NAPEPLD: variants seen among roughly 807,000 people sequenced by gnomAD.
NAPEPLD encodes the protein N-acyl phosphatidylethanolamine phospholipase D, also known as N-acyl-phosphatidylethanolamine-hydrolyzing phospholipase D.
In NAPEPLD, 23 loss-of-function variants were observed where a neutral mutation model predicts 38.1. The ratio of observed to expected loss-of-function variants is 0.60; its 90% CI spans 0.43 to 0.86. The LOEUF (loss-of-function observed/expected upper bound fraction) is 0.86, where lower values mean the gene tolerates loss of function less well. Ranked by LOEUF, NAPEPLD falls within the 40% of genes least tolerant of loss-of-function variation. The pLI is 0.00. For synonymous variants in NAPEPLD, 147 were observed against 162.0 expected (o/e 0.91, Z 0.71); for missense variants, 411 against 476.8 (o/e 0.86, Z 1.28).
At chr7:103,141,564 T>G in intron 1 of NAPEPLD, 1 of 1,166,922 alleles carries the variant, frequency 8.6e-7, no homozygotes, top group Admixed American at 1.7e-5. Context: ...CTCTTCACCT[T>G]CAGGTACAGG....
chr7:103,112,685 T>C (rs1804775407), intron 4 of NAPEPLD, among the ~76,000 whole-genome samples: 2 of 151,872 alleles, frequency 1.3e-5, no homozygotes, highest in Admixed American at 6.6e-5. Context: ...CAAACCACCA[T>C]GGCACGTGTA....
chr7:103,107,174 A>G (rs1314644542), intron 4 of NAPEPLD, among the ~76,000 whole-genome samples: 1 of 152,224 alleles, frequency 6.6e-6, no homozygotes, highest in Non-Finnish European at 1.5e-5. Context: ...GTAAGAAGGA[A>G]AACTAACTAA....
chr7:103,119,492 G>A, intron 3 of NAPEPLD, 85 bp downstream of exon 3: 2 of 1,440,154 alleles, frequency 1.4e-6, no homozygotes, highest in African/African-American at 2.9e-5. Flanking sequence ...ATAAATTACA[G>A]TGTCACAAAA....
Position 103,101,364 on chromosome 7 carries a change from T to A in NAPEPLD, c.*2065A>T, listed in dbSNP as rs543543462. Reference sequence around the variant, plus strand: ...GCATACACATTTCCCCTTGACTGATTCGCATCTTTGTAGATAAACACTAAA... The same window carrying A: ...GCATACACATTTCCCCTTGACTGATACGCATCTTTGTAGATAAACACTAAA... On this transcript the variant is annotated 3_prime_UTR_variant, in exon 5 of 5. Transcript: ENST00000465647. 48 of 152,302 alleles carry A rather than the reference T, an allele frequency of 3.2e-4. No homozygotes were observed. The highest frequency in any genetic ancestry group is 1.2e-3 in the African/African-American group (48 of 41,560). The allele number at this position is 152,302 out of a possible 1,614,324, so 9.4% of individuals were successfully genotyped here.
At chr7:103,149,370 AG>A, upstream of NAPEPLD, 2 of 1,167,220 alleles carry the variant, frequency 1.7e-6, no homozygotes, top group South Asian at 1.5e-5. Flanking sequence ...GCGTAGCGGG[AG>A]GGGCGACCGC....
intron 3 of NAPEPLD, among the ~76,000 whole-genome samples, chr7:103,118,433 C>G (rs1805980515): frequency 6.6e-6 from 1 of 150,794 alleles, no homozygotes; most frequent in Non-Finnish European, 1.5e-5. Context: ...AGGAAACTAG[C>G]AAAAAACAAA....
intron 3 of NAPEPLD, among the ~76,000 whole-genome samples, chr7:103,116,227 A>T (rs1265296711): frequency 6.6e-6 from 1 of 151,742 alleles, no homozygotes; most frequent in Non-Finnish European, 1.5e-5. Flanking sequence ...TCTCCCGGCT[A>T]ATTTTTTGTA....
chr7:103,105,648 T>C (rs996464238), intron 4 of NAPEPLD, among the ~76,000 whole-genome samples: 7 of 152,174 alleles, frequency 4.6e-5, no homozygotes, highest in African/African-American at 1.7e-4. Flanking sequence ...TTAAAGTGTT[T>C]AGAAGTCATG....
At chr7:103,126,955 T>A (rs180719309) in intron 2 of NAPEPLD, 2 of 152,002 alleles carry the variant, frequency 1.3e-5, no homozygotes, top group African/African-American at 4.8e-5. Flanking sequence ...AGATAAAACA[T>A]AGAAGAAATT....
chr7:103,135,999 T>C (rs2129533527), intron 1 of NAPEPLD, among the ~76,000 whole-genome samples: 1 of 152,152 alleles, frequency 6.6e-6, no homozygotes, highest in Admixed American at 6.6e-5. Context: ...CATATGGAAA[T>C]TGCTGGCTAG....
At chr7:103,113,240 C>T (rs917183237) in intron 4 of NAPEPLD, among the ~76,000 whole-genome samples, 3 of 152,178 alleles carry the variant, frequency 2.0e-5, no homozygotes, top group Non-Finnish European at 4.4e-5. Flanking sequence ...TCTCCAAATA[C>T]GCACCCACAC....
At position 103,149,027 on chromosome 7, in the gene NAPEPLD, G is replaced by C. The variant is rs553450969; in HGVS notation, c.-233C>G. 4 of 985,276 alleles carry C rather than the reference G, an allele frequency of 4.1e-6. No individual in the cohort carries two copies. The highest frequency in any genetic ancestry group is 4.8e-6 in the Non-Finnish European group (4 of 829,962). The allele number at this position is 985,276 out of a possible 1,614,324, so 61.0% of individuals were successfully genotyped here. On this transcript the variant is annotated 5_prime_UTR_variant, in exon 1 of 5. Transcript: ENST00000465647. ...GCATCTCCGAGATGAGGGAGGGCTC[G>C]GGGACGGGAAACCCACTCTCAGCCC...
At chr7:103,138,162 G>A (rs1810475892) in intron 1 of NAPEPLD, among the ~76,000 whole-genome samples, 1 of 151,802 alleles carries the variant, frequency 6.6e-6, no homozygotes, top group Non-Finnish European at 1.5e-5. Flanking sequence ...GTTTTTAGTA[G>A]AGATGGGGTT....
intron 1 of NAPEPLD, among the ~76,000 whole-genome samples, chr7:103,146,141 C>T (rs958045980): frequency 1.3e-5 from 2 of 152,072 alleles, no homozygotes; most frequent in African/African-American, 4.8e-5. Context: ...AAAATAATAA[C>T]TTTCAAAACT....
chr7:103,103,513 C>T lies in NAPEPLD; in HGVS notation c.1098G>A (p.Glu366=), dbSNP rs1037908190. Residue 366 remains glutamate, a synonymous_variant, in exon 5 of 5, where the codon GAG becomes GAA. Coordinates refer to ENST00000465647, the MANE Select transcript of NAPEPLD (RefSeq NM_001122838.3). The part of the protein sequence containing the change: ...EPPVKLNEAL[E]RYGLNAEDFF... Reference sequence around the variant, plus strand: ...AATCTTCAGCGTTAAGTCCGTATCTCTCTAGAGCTTCATTCAGCTTCACTG... The same window carrying T: ...AATCTTCAGCGTTAAGTCCGTATCTTTCTAGAGCTTCATTCAGCTTCACTG... The T allele has an allele frequency of 6.3e-7, 1 of 1,597,122 alleles. No homozygotes were observed.
chr7:103,147,595 A>T (rs552604225), intron 1 of NAPEPLD, among the ~76,000 whole-genome samples: 3 of 152,358 alleles, frequency 2.0e-5, no homozygotes, highest in African/African-American at 7.2e-5. Context: ...TCAAAGTAAC[A>T]TAATACCCCT....
At chr7:103,110,257 A>G (rs1029989231) in intron 4 of NAPEPLD, among the ~76,000 whole-genome samples, 1 of 152,166 alleles carries the variant, frequency 6.6e-6, no homozygotes, top group Admixed American at 6.5e-5. Context: ...CCTGGCAGAG[A>G]TTCCAAAACC....
At chr7:103,123,928 G>A (rs578050727) in intron 2 of NAPEPLD, among the ~76,000 whole-genome samples, 1 of 152,136 alleles carries the variant, frequency 6.6e-6, no homozygotes, top group South Asian at 2.1e-4. Context: ...TGATCTTTTC[G>A]TGGGTATATA....
intron 2 of NAPEPLD, among the ~76,000 whole-genome samples, chr7:103,123,733 C>A (rs1052965534): frequency 6.6e-6 from 1 of 152,182 alleles, no homozygotes; most frequent in Non-Finnish European, 1.5e-5. Context: ...AGCACTCAGG[C>A]AAGGTCACCC....
Sources: allele counts gnomAD v4.1 joint callset (sites outside exome capture counted in the v4.1 genomes callset), GRCh38; gene constraint gnomAD v4.1.1; transcripts MANE v1.5; gene names NCBI Gene and HGNC (gene_info 2026-07-23, HGNC 2026-07-21).